The following KIRREL3 variants were observed in gnomAD, a reference collection of about 807,000 sequenced individuals.
The protein encoded by KIRREL3 is kin of IRRE-like protein 3.
A neutral mutation model predicts 89.7 loss-of-function variants in KIRREL3; 36 were observed. The observed-to-expected ratio is 0.40, with a 90% CI of 0.31 to 0.53. The LOEUF (loss-of-function observed/expected upper bound fraction) is 0.53. Among genes scored for constraint, KIRREL3 ranks in the 20% least tolerant of loss-of-function variants. The probability of loss-of-function intolerance (pLI) is 0.49; values close to 1 mark genes in which losing one functional copy is unlikely to be tolerated. For synonymous variants in KIRREL3, 445 were observed against 441.4 expected (o/e 1.01, Z -0.10); for missense variants, 864 against 1,056.6 (o/e 0.82, Z 2.53).
rs968389252 is a variant in KIRREL3, at chr11:126,999,865, A to G, written c.55+590T>C. ...AGTGCTGTGTAGGATTCAGAATTCA[A>G]CCTAATTTAGGGAACTCGATGACGT... On this transcript the variant is annotated intron_variant, in intron 1 of 16. Coordinates refer to ENST00000525144, the MANE Select transcript of KIRREL3 (RefSeq NM_032531.4). This position sits in a 1 kb window ranked among gnomAD's most constrained non-coding sequence, Gnocchi z 5.7. Among the ~76,000 whole-genome samples, 1 of 152,188 alleles carries G rather than the reference A, an allele frequency of 6.6e-6. No individual in the cohort carries two copies. Among genetic ancestry groups the G allele is most frequent in the African/African-American group, 2.4e-5 (1 of 41,442 alleles).
intron 1 of KIRREL3, among the ~76,000 whole-genome samples, chr11:126,707,537 C>G (rs1489864648): frequency 6.6e-6 from 1 of 152,170 alleles, no homozygotes; most frequent in African/African-American, 2.4e-5. Flanking sequence ...CTATGTCAGT[C>G]CATTGTTCTC....
In KIRREL3 at chr11:126,635,307, C is replaced by A. The variant is rs1944219832; in HGVS notation, c.56-72395G>T. ...GAAGGTAACCCCTCCCAGTCCAGAG[C>A]AAATCACGGTCTCCATGTTTTTCCT... is the stretch of plus-strand genomic sequence containing the variant. On this transcript the variant is annotated intron_variant, in intron 1 of 16. Coordinates refer to ENST00000525144, the MANE Select transcript of KIRREL3 (RefSeq NM_032531.4). This position sits in a 1 kb window ranked among gnomAD's most constrained non-coding sequence, Gnocchi z 4.0. 6.6e-6 allele frequency among the ~76,000 whole-genome samples: 1 copy of A among 152,222 alleles called. No individual in the cohort carries two copies. The highest frequency in any genetic ancestry group is 2.4e-5 in the African/African-American group (1 of 41,454).
intron 1 of KIRREL3, among the ~76,000 whole-genome samples, chr11:126,580,665 CT>C (rs1237160526): frequency 1.3e-5 from 2 of 152,042 alleles, no homozygotes; most frequent in African/African-American, 2.4e-5. Context: ...AGGAGGGGGC[CT>C]GGCACAGTTT....
chr11:126,629,687 A>G (rs1449902338), intron 1 of KIRREL3, among the ~76,000 whole-genome samples: 2 of 152,194 alleles, frequency 1.3e-5, no homozygotes, highest in East Asian at 3.9e-4. Flanking sequence ...TTGGCAGGAC[A>G]TGGGCGGAAA....
In KIRREL3 at chr11:126,484,813, A is replaced by ATTT. The variant is rs200054144; in HGVS notation, c.434-11350_434-11348dup. Among the ~76,000 whole-genome samples the ATTT allele has an allele frequency of 7.2e-6, 1 of 139,708 alleles. No homozygotes were observed. Among genetic ancestry groups the ATTT allele is most frequent in the Non-Finnish European group, 1.6e-5 (1 of 64,062 alleles). 91.7% of individuals were successfully genotyped at this position (139,708 alleles called of 152,430 possible). ...AGATGTGGGGCAAGATGCAAATGGGATTTTTTTTTTTTTTTTTCTGAGACG... is the reference window on the plus strand; with the variant it reads ...AGATGTGGGGCAAGATGCAAATGGGATTTTTTTTTTTTTTTTTTTTCTGAGACG... On this transcript the variant is annotated intron_variant, in intron 4 of 16. Transcript: ENST00000525144. The surrounding 1 kb of genome is among the most constrained non-coding windows in gnomAD (Gnocchi z 5.2).
In KIRREL3 at chr11:126,687,788, G is replaced by A. The variant is rs1029241870; in HGVS notation, c.56-124876C>T. 2.0e-5 allele frequency among the ~76,000 whole-genome samples: 3 copies of A among 152,192 alleles called. No homozygotes were observed. Among genetic ancestry groups the A allele is most frequent in the African/African-American group, 7.2e-5 (3 of 41,458 alleles). ...AGTGAGAAACTAGAAAAGTCTGCAG[G>A]TAATGACAGGCAAAGAGAGATGCGG... On this transcript the variant is annotated intron_variant, in intron 1 of 16. Transcript: ENST00000525144. The surrounding 1 kb of genome is among the most constrained non-coding windows in gnomAD (Gnocchi z 4.6).
rs138945175 is a variant in KIRREL3, at chr11:126,800,086, C to A, written c.55+200369G>T. The stretch of plus-strand genomic sequence containing the variant: ...TTCCTGACACTGTTGCAGGCCACCT[C>A]TAACCAGATCTCCAGGGGCTGGGCC... On this transcript the variant is annotated intron_variant, in intron 1 of 16. Coordinates refer to ENST00000525144, the MANE Select transcript of KIRREL3 (RefSeq NM_032531.4). Among the ~76,000 whole-genome samples the A allele has an allele frequency of 2.3e-3, 347 of 152,340 alleles. 2 individuals are homozygous for A. Among genetic ancestry groups the A allele is most frequent in the African/African-American group, 7.9e-3 (327 of 41,580 alleles).
intron 1 of KIRREL3, among the ~76,000 whole-genome samples, chr11:126,961,492 C>T (rs1231731747): frequency 5.9e-5 from 9 of 152,192 alleles, no homozygotes; most frequent in Non-Finnish European, 1.3e-4. Context: ...AAGGCCCTAA[C>T]TGTCTTAAAT....
At chr11:126,907,893 C>T (rs1360155740) in intron 1 of KIRREL3, among the ~76,000 whole-genome samples, 1 of 152,136 alleles carries the variant, frequency 6.6e-6, no homozygotes, top group African/African-American at 2.4e-5. Flanking sequence ...ATCTGCTCAC[C>T]CTCTGCCTGG....
intron 1 of KIRREL3, among the ~76,000 whole-genome samples, chr11:126,821,349 A>ATGTG (rs1397836679): frequency 2.2e-5 from 2 of 91,784 alleles, no homozygotes; most frequent in Non-Finnish European, 4.5e-5. Flanking sequence ...ATATATATAT[A>ATGTG]TATGTAACTT....
chr11:126,616,292 G>A (rs540883041), intron 1 of KIRREL3, among the ~76,000 whole-genome samples: 1 of 152,248 alleles, frequency 6.6e-6, no homozygotes, highest in Non-Finnish European at 1.5e-5. Context: ...AGGAAAGAGG[G>A]GGAGAAACAA....
At chr11:126,851,904 G>A (rs1453869412) in intron 1 of KIRREL3, among the ~76,000 whole-genome samples, 5 of 152,196 alleles carry the variant, frequency 3.3e-5, no homozygotes, top group Admixed American at 1.3e-4. Flanking sequence ...AAAGCAGACC[G>A]TGGCTCCTCT....
chr11:126,680,415 T>TATATATATAC (rs551073557), intron 1 of KIRREL3, among the ~76,000 whole-genome samples: 211 of 151,594 alleles, frequency 1.4e-3, no homozygotes, highest in African/African-American at 4.5e-3. Flanking sequence ...TATATATATA[T>TATATATATAC]ACACATAGCC....
chr11:126,853,760 C>A (rs933199013), intron 1 of KIRREL3, among the ~76,000 whole-genome samples: 2 of 151,916 alleles, frequency 1.3e-5, no homozygotes, highest in Admixed American at 1.3e-4. Context: ...CAAAACAAAA[C>A]TTCCTTGACC....
Position 126,530,607 on chromosome 11 carries a change from G to T in KIRREL3, c.134-3920C>A, listed in dbSNP as rs906365418. On this transcript the variant is annotated intron_variant, in intron 2 of 16. Transcript: ENST00000525144. This position sits in a 1 kb window ranked among gnomAD's most constrained non-coding sequence, Gnocchi z 5.8. ...AACAGGCCTGGCCACCCCTCCAGGA[G>T]CTCGCAGCTGTGCCCCCTCCCCATC... Among the ~76,000 whole-genome samples the T allele has an allele frequency of 6.6e-6, 1 of 152,168 alleles. No individual in the cohort carries two copies. The highest frequency in any genetic ancestry group is 1.5e-5 in the Non-Finnish European group (1 of 68,022).
In KIRREL3 at chr11:126,463,284, C is replaced by T. The variant is rs538255381; in HGVS notation, c.615G>A (p.Arg205=). 2.5e-6 allele frequency: 4 copies of T among 1,613,608 alleles called. No homozygotes were observed. Among genetic ancestry groups the T allele is most frequent in the African/African-American group, 2.7e-5 (2 of 75,038 alleles). Residue 205 remains arginine, a synonymous_variant, in exon 6 of 17, where the codon CGG becomes CGA. Transcript: ENST00000525144. The surrounding 1 kb of genome is among the most constrained non-coding windows in gnomAD (Gnocchi z 5.9). ...TGAAGAGGGTGCTGACGATGCTCTCCCGCTTGCCGTCCCGAAGCAGGGTCT... is the reference window on the plus strand; with the variant it reads ...TGAAGAGGGTGCTGACGATGCTCTCTCGCTTGCCGTCCCGAAGCAGGGTCT... The part of the protein sequence containing the change: ...YSKTLLRDGK[R]ESIVSTLFIS...
Position 126,526,828 on chromosome 11 carries a change from G to T in KIRREL3, c.134-141C>A. The T allele has an allele frequency of 1.1e-6, 1 of 915,156 alleles. No homozygotes were observed. Among genetic ancestry groups the T allele is most frequent in the Non-Finnish European group, 1.7e-6 (1 of 605,652 alleles). 56.7% of individuals were successfully genotyped at this position (915,156 alleles called of 1,614,324 possible). ...ACCTGGCTTTCCTGCTGAGGGTCTG[G>T]TAGAGCTTCCTAACTGGTCTCAGCC... On this transcript the variant is annotated intron_variant, in intron 2 of 16. Coordinates refer to ENST00000525144, the MANE Select transcript of KIRREL3 (RefSeq NM_032531.4). This position sits in a 1 kb window ranked among gnomAD's most constrained non-coding sequence, Gnocchi z 5.7.
intron 1 of KIRREL3, among the ~76,000 whole-genome samples, chr11:126,693,240 G>A (rs186186303): frequency 3.9e-5 from 6 of 152,260 alleles, no homozygotes; most frequent in South Asian, 2.1e-4. Context: ...GCAACACAGC[G>A]AAACCCTGTC....
chr11:126,539,246 T>C (rs1938164210), intron 2 of KIRREL3, among the ~76,000 whole-genome samples: 1 of 152,144 alleles, frequency 6.6e-6, no homozygotes, highest in Non-Finnish European at 1.5e-5. Context: ...GCTGGCAGTA[T>C]CATTACAAGC....
Sources: gnomAD v4.1 joint callset for allele counts (sites outside exome capture counted in the v4.1 genomes callset) on GRCh38, gnomAD v4.1.1 for gene constraint, Gnocchi (gnomAD v3.1) non-coding constraint, MANE v1.5 for transcripts, NCBI Gene and HGNC (gene_info 2026-07-23, HGNC 2026-07-21) for gene names.